The following SPEN variants were observed in gnomAD, a reference collection of about 807,000 sequenced individuals.
SPEN encodes the protein msx2-interacting protein.
Under a neutral mutation model 269.9 loss-of-function variants are expected in SPEN, and 18 were observed. The ratio of observed to expected loss-of-function variants is 0.07; its 90% confidence interval spans 0.05 to 0.10. SPEN has a LOEUF of 0.10. Among genes scored for constraint, SPEN ranks in the 10% least tolerant of loss-of-function variants. SPEN has a pLI of 1.00. For missense variants in SPEN, 3,822 were observed against 4,631.2 expected, an observed-to-expected ratio of 0.83 and a Z score of 5.07; for synonymous variants, 1,726 against 1,765.7, an observed-to-expected ratio of 0.98 and a Z score of 0.56.
At chr1:15,896,276 A>G (rs1309663014) in intron 3 of SPEN, among the ~76,000 whole-genome samples, 2 of 135,896 alleles carry the variant, frequency 1.5e-5, no homozygotes, top group African/African-American at 5.8e-5. Flanking sequence ...GCTCACTGCA[A>G]TCTCCGCCTC....
At chr1:15,909,606 G>A (rs1294194492) in intron 4 of SPEN, 125 bp downstream of exon 4, 27 of 1,013,086 alleles carry the variant, frequency 2.7e-5, no homozygotes, top group Admixed American at 7.6e-5. Context: ...AAATATTAAC[G>A]TTTTAAATGA....
chr1:15,858,348 C>G (rs2070407842), intron 1 of SPEN, among the ~76,000 whole-genome samples: 1 of 152,148 alleles, frequency 6.6e-6, no homozygotes, highest in African/African-American at 2.4e-5. Context: ...CCATTACCCT[C>G]TGTTGTCTTT....
chr1:15,907,383 C>T (rs1020650427), intron 3 of SPEN, among the ~76,000 whole-genome samples: 5 of 151,778 alleles, frequency 3.3e-5, no homozygotes, highest in African/African-American at 9.7e-5. Context: ...TCGGGAGGCA[C>T]GAGAATCACT....
At position 15,855,990 on chromosome 1, in the gene SPEN, C is replaced by CCTTTTTTTTTTTTTTTTT. The variant is rs370972899; in HGVS notation, c.83+7840_83+7841insCTTTTTTTTTTTTTTTTT. The stretch of plus-strand genomic sequence containing the variant: ...TTATTGTGTGAAAAGGATGCTAGAA[C>CCTTTTTTTTTTTTTTTTT]TTTTTTTTTTTTTTTTTTTTGAGAC... On this transcript the variant is annotated intron_variant, in intron 1 of 14. Coordinates refer to ENST00000375759, the MANE Select transcript of SPEN (RefSeq NM_015001.3). 2.8e-4 allele frequency among the ~76,000 whole-genome samples: 8 copies of CCTTTTTTTTTTTTTTTTT among 28,220 alleles called. 4 individuals carry two copies. The highest frequency in any genetic ancestry group is 4.7e-4 in the Non-Finnish European group (6 of 12,684). The allele number at this position is 28,220 out of a possible 152,430, so 18.5% of individuals were successfully genotyped here. A position where few individuals can be genotyped will look rare whatever the true frequency, so the allele number is the denominator to read the frequency against.
Position 15,934,054 on chromosome 1 carries a change from C to G in SPEN, c.7814C>G (p.Ala2605Gly). 1.9e-6 allele frequency: 3 copies of G among 1,611,210 alleles called. No individual in the cohort carries two copies. Among genetic ancestry groups the G allele is most frequent in the Non-Finnish European group, 2.5e-6 (3 of 1,177,930 alleles). The change falls in exon 11 of 15, where the codon GCT becomes GGT. Residue 2605 changes from alanine (A) to glycine (G), a missense_variant. Around this residue, in one of 16 missense-constraint regions of SPEN, gnomAD observed 329 missense variants for 431.2 expected, o/e 0.76. Transcript: ENST00000375759. The surrounding 1 kb of genome is among the most constrained non-coding windows in gnomAD (Gnocchi z 9.2). ...EIQASEVLVA[A>G]DKEKVAPVIA... is the part of the protein sequence containing the mutation. The stretch of plus-strand genomic sequence containing the variant: ...CAAGCCTCGGAGGTGCTGGTAGCTG[C>G]TGACAAGGAAAAGGTGGCTCCAGTC...
intron 6 of SPEN, among the ~76,000 whole-genome samples, chr1:15,916,510 C>CTTT (rs34713584): frequency 3.5e-5 from 4 of 113,544 alleles, no homozygotes; most frequent in African/African-American, 6.9e-5. Context: ...TTTCTTACCT[C>CTTT]TTTTTTTTTT....
rs758558952 is a variant in SPEN at position 15,936,125 on chromosome 1, T to C, written c.9885T>C (p.Ile3295=). 6.2e-6 allele frequency: 10 copies of C among 1,611,596 alleles called. No homozygotes were observed. The highest frequency in any genetic ancestry group is 1.1e-5 in the South Asian group (1 of 90,974). The part of the protein sequence containing the change: ...PPVVVTHGVQ[I]VHSSGELFQE... ...TGGTGGTGACCCATGGGGTGCAGATTGTGCACTCCAGCGGGGAGCTGTTTC... is the reference window on the plus strand; with the variant it reads ...TGGTGGTGACCCATGGGGTGCAGATCGTGCACTCCAGCGGGGAGCTGTTTC... Residue 3295 remains isoleucine (I), a synonymous_variant, in exon 11 of 15, where the codon ATT becomes ATC. Transcript: ENST00000375759.
chr1:15,931,765 G>A lies in SPEN; in HGVS notation c.5525G>A (p.Arg1842Lys), dbSNP rs1316034601. ...AGTATCGTGGAGAAGCCCGTCACAA[G>A]GAAGAGTGAGAGGATAGACCGGGAA... ...AVSIVEKPVT[R>K]KSERIDREKL... The change falls in exon 11 of 15, where the codon AGG becomes AAG. Residue 1842 changes from arginine to lysine, a missense_variant. Arg to Lys is a conservative substitution (Grantham distance 26). Transcript: ENST00000375759. This position sits in a 1 kb window ranked among gnomAD's most constrained non-coding sequence, Gnocchi z 4.8. The A allele has an allele frequency of 1.2e-6, 2 of 1,614,156 alleles. No homozygotes were observed. The highest frequency in any genetic ancestry group is 1.7e-6 in the Non-Finnish European group (2 of 1,180,002).
chr1:15,930,977 A>G lies in SPEN; in HGVS notation c.4737A>G (p.Pro1579=). ...GCACAACTGATTCCATTCAAGAACCAGTAGTTCTGTTCCATAGCAGATTTA... is the reference window on the plus strand; with the variant it reads ...GCACAACTGATTCCATTCAAGAACCGGTAGTTCTGTTCCATAGCAGATTTA... ...ANSTTDSIQE[P]VVLFHSRFME... The change falls in exon 11 of 15, where the codon CCA becomes CCG. Residue 1579 remains proline (P), a synonymous_variant. Coordinates refer to ENST00000375759, the MANE Select transcript of SPEN (RefSeq NM_015001.3). This position sits in a 1 kb window ranked among gnomAD's most constrained non-coding sequence, Gnocchi z 5.3. The G allele has an allele frequency of 6.2e-7, 1 of 1,614,204 alleles. No individual in the cohort carries two copies. The highest frequency in any genetic ancestry group is 8.5e-7 in the Non-Finnish European group (1 of 1,180,046).
intron 3 of SPEN, among the ~76,000 whole-genome samples, chr1:15,906,704 T>A (rs764301765): frequency 2.0e-5 from 3 of 151,950 alleles, no homozygotes; most frequent in Admixed American, 6.5e-5. Flanking sequence ...CCGCAAGTGA[T>A]TCACCTGCCT....
rs528146732 is a variant in SPEN, at chr1:15,884,618, A to G, written c.881+7940A>G. Reference sequence around the variant, plus strand: ...TGCTAATTTTATTACCTGGCTGTACAGTTTCTTATGATACGTGGCATGTGC... The same window carrying G: ...TGCTAATTTTATTACCTGGCTGTACGGTTTCTTATGATACGTGGCATGTGC... On this transcript the variant is annotated intron_variant, in intron 3 of 14. Transcript: ENST00000375759. 2.0e-5 allele frequency among the ~76,000 whole-genome samples: 3 copies of G among 152,244 alleles called. No homozygotes were observed. The South Asian group carries it at 6.2e-4, about 32-fold the overall frequency.
chr1:15,866,158 C>G (rs995043086), intron 1 of SPEN, among the ~76,000 whole-genome samples: 1 of 152,022 alleles, frequency 6.6e-6, no homozygotes, highest in African/African-American at 2.4e-5. Context: ...TCCTTCCCTC[C>G]TCCCATCCCT....
chr1:15,909,499 T>G lies in SPEN; in HGVS notation c.1042+18T>G. Reference sequence around the variant, plus strand: ...CTCTACAGGTAAAATTTTGTGTGAATGTCCTTTCCTCTGTGCTACTACTGA... The same window carrying G: ...CTCTACAGGTAAAATTTTGTGTGAAGGTCCTTTCCTCTGTGCTACTACTGA... On this transcript the variant is annotated intron_variant, in intron 4 of 14. Coordinates refer to ENST00000375759, the MANE Select transcript of SPEN (RefSeq NM_015001.3). 6.2e-7 allele frequency: 1 copy of G among 1,611,966 alleles called. No homozygotes were observed. The highest frequency in any genetic ancestry group is 8.5e-7 in the Non-Finnish European group (1 of 1,178,572).
intron 1 of SPEN, among the ~76,000 whole-genome samples, chr1:15,855,756 G>T (rs1332222654): frequency 6.6e-6 from 1 of 151,432 alleles, no homozygotes; most frequent in Non-Finnish European, 1.5e-5. Flanking sequence ...CCAGCTACTC[G>T]GGAGGCTGAG....
rs143503694 is a variant in SPEN at position 15,931,423 on chromosome 1, C to T, written c.5183C>T (p.Pro1728Leu). Residue 1728 changes from proline to leucine, a missense_variant, in exon 11 of 15, where the codon CCG becomes CTG. By Grantham distance (98) the Pro-to-Leu change is moderately conservative. Coordinates refer to ENST00000375759, the MANE Select transcript of SPEN (RefSeq NM_015001.3). This position sits in a 1 kb window ranked among gnomAD's most constrained non-coding sequence, Gnocchi z 4.8. ...GVEEGSSGDQ[P>L]PYLDAKPPTP... ...GAGGAAGGTTCATCAGGTGACCAGC[C>T]GCCTTATCTGGATGCCAAGCCTCCA... is the stretch of plus-strand genomic sequence containing the variant. The T allele has an allele frequency of 3.3e-5, 54 of 1,614,132 alleles. No individual in the cohort carries two copies. In the African/African-American group the frequency reaches 4.1e-4, roughly 12 times the overall value.
rs1031589407 is a variant in SPEN, at chr1:15,879,814, G to C, written c.881+3136G>C. On this transcript the variant is annotated intron_variant, in intron 3 of 14. Transcript: ENST00000375759. ...GCCTCTCGAGTAGCTGGGACTACAG[G>C]CTCCCGCTACCACGCCCAGCTAATT... Among the ~76,000 whole-genome samples, 52 of 152,016 alleles carry C rather than the reference G, an allele frequency of 3.4e-4. 1 individual carries two copies. The highest frequency in any genetic ancestry group is 1.2e-3 in the African/African-American group (50 of 41,398).
At chr1:15,899,536 AGTTTTTT>A (rs2070878740) in intron 3 of SPEN, among the ~76,000 whole-genome samples, 1 of 77,516 alleles carries the variant, frequency 1.3e-5, no homozygotes, top group African/African-American at 4.2e-5. Context: ...CATGTGGCAG[AGTTTTTT>A]TTTTTTTTTT....
intron 3 of SPEN, among the ~76,000 whole-genome samples, chr1:15,908,441 A>G (rs1340308039): frequency 2.0e-5 from 3 of 149,414 alleles, no homozygotes; most frequent in South Asian, 4.2e-4. Flanking sequence ...TTTTTTTTCT[A>G]AGATGGAGTC....
At position 15,894,533 on chromosome 1, in the gene SPEN, G is replaced by GTTTTTTTTTTTT. The variant is rs35841965; in HGVS notation, c.882-14786_882-14785insTTTTTTTTTTTT. On this transcript the variant is annotated intron_variant, in intron 3 of 14. Transcript: ENST00000375759. The stretch of plus-strand genomic sequence containing the variant: ...TAGATCCTAAAACTACCATATTATG[G>GTTTTTTTTTTTT]TTGTTTTTTTTTTTTTTTTTTTTTT... 5.3e-4 allele frequency among the ~76,000 whole-genome samples: 72 copies of GTTTTTTTTTTTT among 135,996 alleles called. 6 individuals are homozygous for GTTTTTTTTTTTT. Among genetic ancestry groups the GTTTTTTTTTTTT allele is most frequent in the African/African-American group, 2.1e-3 (71 of 33,670 alleles). The allele number at this position is 135,996 out of a possible 152,430, so 89.2% of individuals were successfully genotyped here.
Sources: gnomAD v4.1 joint callset for allele counts (sites outside exome capture counted in the v4.1 genomes callset) on GRCh38, gnomAD v4.1.1 for gene constraint, gnomAD v4.1.1 regional missense constraint, Gnocchi (gnomAD v3.1) non-coding constraint, MANE v1.5 for transcripts, NCBI Gene and HGNC (gene_info 2026-07-23, HGNC 2026-07-21) for gene names.